The following POMGNT1 variants were observed in gnomAD, a reference collection of about 807,000 sequenced individuals.
POMGNT1 encodes protein O-linked mannose N-acetylglucosaminyltransferase 1 (beta 1,2-), also known as protein O-linked-mannose beta-1,2-N-acetylglucosaminyltransferase 1.
POMGNT1 carries 67 observed loss-of-function variants against 95.6 expected under a neutral mutation model. The observed-to-expected ratio is 0.70, with a 90% CI of 0.58 to 0.86. The LOEUF (loss-of-function observed/expected upper bound fraction) is 0.86. POMGNT1 is among the 40% of genes least tolerant of loss of function. POMGNT1 has a pLI of 0.00. For missense variants in POMGNT1, 719 were observed against 855.2 expected (o/e 0.84, Z 1.99); for synonymous variants, 298 against 317.9 (o/e 0.94, Z 0.66).
chr1:46,203,494 C>A, intron 1 of POMGNT1: 1 of 1,550,906 alleles, frequency 6.4e-7, no homozygotes, highest in Admixed American at 1.9e-5. Context: ...GGCAGGAAGA[C>A]CCCTGAAGGG....
At chr1:46,208,006 T>C (rs532730823) in intron 1 of POMGNT1, among the ~76,000 whole-genome samples, 20 of 152,178 alleles carry the variant, frequency 1.3e-4, no homozygotes, top group Admixed American at 3.9e-4. Context: ...TAGCTGGGAT[T>C]ACAGGCACCC....
chr1:46,197,079 C>T lies in POMGNT1; in HGVS notation c.126G>A (p.Gly42=), dbSNP rs374480891. The T allele has an allele frequency of 1.9e-6, 3 of 1,614,036 alleles. No homozygotes were observed. The African/African-American group carries it at 4.0e-5, about 22-fold the overall frequency. Residue 42 remains glycine, a synonymous_variant, in exon 3 of 22, where the codon GGG becomes GGA. Transcript: ENST00000371984. ...CAGTCACCAGCAGGAAAAGCACGGC[C>T]CCTGTCTGAGGGGAGGGGTAGGGAT... ...QRALRRFCQT[G]AVLFLLVTVI...
Position 46,208,463 on chromosome 1 carries a change from G to A in POMGNT1, c.-50-10592C>T, listed in dbSNP as rs368641362. ...CTGAATGGATTAATTCCATCTCGAG[G>A]AAGGGCAAGGAAGACTTCCTCGAGG... On this transcript the variant is annotated intron_variant, in intron 1 of 22. Coordinates refer to the POMGNT1 transcript ENST00000371992. 8.5e-5 allele frequency among the ~76,000 whole-genome samples: 13 copies of A among 152,302 alleles called. No homozygotes were observed. The South Asian group carries it at 2.7e-3, about 32-fold the overall frequency.
chr1:46,190,246 G>A (rs1478540175), intron 19 of POMGNT1: 12 of 673,352 alleles, frequency 1.8e-5, no homozygotes, highest in Admixed American at 5.1e-5. Context: ...GGGTTTCACC[G>A]TGTTAGCCAG....
At chr1:46,213,856 C>G (rs1389031304) in intron 1 of POMGNT1, among the ~76,000 whole-genome samples, 1 of 149,150 alleles carries the variant, frequency 6.7e-6, no homozygotes, top group Non-Finnish European at 1.5e-5. Flanking sequence ...ATGATTAACT[C>G]AAGAAAAAAA....
intron 1 of POMGNT1, among the ~76,000 whole-genome samples, chr1:46,211,482 G>A (rs1223496002): frequency 1.8e-5 from 2 of 108,516 alleles, no homozygotes; most frequent in Admixed American, 1.7e-4. Flanking sequence ...CACACACACA[G>A]TAATATCACA....
chr1:46,217,388 T>A (rs993138059), intron 1 of POMGNT1, among the ~76,000 whole-genome samples: 6 of 147,726 alleles, frequency 4.1e-5, no homozygotes, highest in Non-Finnish European at 7.5e-5. Context: ...TAATAATAAT[T>A]CTAAGGATAA....
chr1:46,211,195 T>G (rs1225442301), intron 1 of POMGNT1, among the ~76,000 whole-genome samples: 1 of 152,156 alleles, frequency 6.6e-6, no homozygotes, highest in Non-Finnish European at 1.5e-5. Context: ...CCTGTCTGTT[T>G]AGATTCTTAT....
In POMGNT1 at chr1:46,190,457, T is replaced by C. The variant is rs1283340700; in HGVS notation, c.1649+16A>G. 1.3e-6 allele frequency: 2 copies of C among 1,576,312 alleles called. No individual in the cohort carries two copies. The highest frequency in any genetic ancestry group is 8.7e-7 in the Non-Finnish European group (1 of 1,145,618). ...CTCTTTGCTCCCTGCTACACCCCAA[T>C]TGTCCTAGGCCATACCTGAGCAGCC... On this transcript the variant is annotated intron_variant, in intron 19 of 21. Coordinates refer to ENST00000371984, the MANE Select transcript of POMGNT1 (RefSeq NM_017739.4).
chr1:46,190,138 G>A (rs958993154), intron 19 of POMGNT1, 149 bp from the exon 20 acceptor site: 26 of 973,684 alleles, frequency 2.7e-5, no homozygotes, highest in African/African-American at 2.5e-4. Context: ...TTGCTCTGTC[G>A]CCCAGGCTGG....
upstream of POMGNT1, among the ~76,000 whole-genome samples, chr1:46,201,673 G>A (rs971049252): frequency 2.0e-5 from 3 of 147,494 alleles, no homozygotes; most frequent in Non-Finnish European, 4.5e-5. Flanking sequence ...ACTCCAGCCT[G>A]GGCGACAGAG....
At chr1:46,215,436 T>A (rs1659036195) in intron 1 of POMGNT1, among the ~76,000 whole-genome samples, 1 of 152,134 alleles carries the variant, frequency 6.6e-6, no homozygotes, top group Non-Finnish European at 1.5e-5. Flanking sequence ...ATCAAGTGGC[T>A]AACTCAATAG....
exon 1 of POMGNT1, chr1:46,219,713 C>G: frequency 6.3e-7 from 1 of 1,594,136 alleles, no homozygotes; most frequent in Non-Finnish European, 8.6e-7. Context: ...ACCTGCGAGC[C>G]ATCGATGTGA....
chr1:46,197,394 G>A (rs1222963627), intron 2 of POMGNT1: 1 of 1,486,548 alleles, frequency 6.7e-7, no homozygotes, highest in African/African-American at 1.4e-5. Flanking sequence ...CAGGCCCAGG[G>A]ACCCAAGCGG....
At chr1:46,194,484 C>T (rs146743406) in intron 8 of POMGNT1, 69 bp downstream of exon 8, 1 of 1,614,172 alleles carries the variant, frequency 6.2e-7, no homozygotes, top group African/African-American at 1.3e-5. Context: ...AGGAATAAAG[C>T]TCCACAGAGA....
intron 1 of POMGNT1, among the ~76,000 whole-genome samples, chr1:46,204,192 G>T (rs1658640817): frequency 6.6e-6 from 1 of 152,156 alleles, no homozygotes; most frequent in Admixed American, 6.5e-5. Context: ...TAGACCCATA[G>T]CAGGGACAGA....
chr1:46,211,439 GCACACACACACACA>G (rs57919535), intron 1 of POMGNT1, among the ~76,000 whole-genome samples: 68 of 79,050 alleles, frequency 8.6e-4, no homozygotes, highest in Middle Eastern at 6.7e-3. Flanking sequence ...ATGAAAACCT[GCACACACACACACA>G]CACACACACA....
chr1:46,220,290 T>G, exon 1 of POMGNT1: 1 of 1,467,538 alleles, frequency 6.8e-7, no homozygotes, highest in Non-Finnish European at 9.1e-7. Context: ...CAAAATTGAT[T>G]CTCCCTCAGT....
chr1:46,196,449 C>G lies in POMGNT1; in HGVS notation c.354+282G>C, dbSNP rs1273222433. 6.6e-6 allele frequency among the ~76,000 whole-genome samples: 1 copy of G among 152,202 alleles called. No individual in the cohort carries two copies. The highest frequency in any genetic ancestry group is 1.5e-5 in the Non-Finnish European group (1 of 68,036). On this transcript the variant is annotated intron_variant, in intron 4 of 21. Coordinates refer to ENST00000371984, the MANE Select transcript of POMGNT1 (RefSeq NM_017739.4). The surrounding 1 kb of genome is among the most constrained non-coding windows in gnomAD (Gnocchi z 4.4). ...ACAAGGCTGAGGCCAAAGAAAGGACCAGGGGATGGTTATAAAATAAATCAA... is the reference window on the plus strand; with the variant it reads ...ACAAGGCTGAGGCCAAAGAAAGGACGAGGGGATGGTTATAAAATAAATCAA...
Sources: allele counts gnomAD v4.1 joint callset (sites outside exome capture counted in the v4.1 genomes callset), GRCh38; gene constraint gnomAD v4.1.1; non-coding constraint Gnocchi (gnomAD v3.1); transcripts MANE v1.5; gene names NCBI Gene and HGNC (gene_info 2026-07-23, HGNC 2026-07-21).